KIAA0586: variants seen among roughly 807,000 people sequenced by gnomAD.
KIAA0586 encodes protein TALPID3.
Under a neutral mutation model 169.8 loss-of-function variants are expected in KIAA0586, and 144 were observed. That is an observed-to-expected ratio of 0.85 (90% CI 0.74 to 0.97). KIAA0586 has a LOEUF of 0.97. Ranked by LOEUF, KIAA0586 falls within the 50% of genes least tolerant of loss-of-function variation. KIAA0586 has a pLI of 0.00. For missense variants in KIAA0586, 1,854 were observed against 1,823.0 expected (o/e 1.02, Z -0.31); for synonymous variants, 625 against 612.4 (o/e 1.02, Z -0.30).
chr14:58,552,449 A>G (rs2047219189), downstream of KIAA0586, among the ~76,000 whole-genome samples: 1 of 152,122 alleles, frequency 6.6e-6, no homozygotes, highest in South Asian at 2.1e-4. Context: ...AAATATTGTA[A>G]AGCTATTTGA....
In KIAA0586 at chr14:58,537,186, T is replaced by C. The variant is rs543774111; in HGVS notation, c.4430-2885T>C. 3.3e-5 allele frequency: 35 copies of C among 1,052,800 alleles called. 1 individual carries two copies. In the Admixed American group the frequency reaches 1.7e-3, roughly 50 times the overall value. 65.2% of individuals were successfully genotyped at this position (1,052,800 alleles called of 1,614,324 possible). A position where few individuals can be genotyped will look rare whatever the true frequency, so the allele number is the denominator to read the frequency against. On this transcript the variant is annotated intron_variant, in intron 29 of 30. Transcript: ENST00000652326. ...TGAGAATTATGAAGCCACTTACTTG[T>C]TATAAGAATAAAAGTGGTCAACTCT...
intron 29 of KIAA0586, among the ~76,000 whole-genome samples, chr14:58,532,138 C>T (rs1280800369): frequency 6.7e-6 from 1 of 150,178 alleles, no homozygotes; most frequent in African/African-American, 2.5e-5. Flanking sequence ...ACCTATGTAA[C>T]AAACCTGCAC....
chr14:58,510,933 C>T lies in KIAA0586; in HGVS notation c.4324-1589C>T, dbSNP rs191965493. Among the ~76,000 whole-genome samples, 14 of 151,240 alleles carry T rather than the reference C, an allele frequency of 9.3e-5. No homozygotes were observed. The East Asian group carries it at 2.7e-3, about 29-fold the overall frequency. On this transcript the variant is annotated intron_variant, in intron 28 of 30. Coordinates refer to ENST00000652326, the MANE Select transcript of KIAA0586 (RefSeq NM_001329943.3). Reference sequence around the variant, plus strand: ...AATGCAAACTAATTTATAGTAATAGCATTTCAGTTATTTTGGGGTGATGGT... The same window carrying T: ...AATGCAAACTAATTTATAGTAATAGTATTTCAGTTATTTTGGGGTGATGGT...
rs577487452 is a variant in KIAA0586, at chr14:58,427,750, G to C, written c.-515G>C. ...GTCAGATTACACCCACGACGGTGCG[G>C]GTCTCGGGCGTTCTGGAGATACGTA... On this transcript the variant is annotated 5_prime_UTR_variant, in exon 1 of 31. Transcript: ENST00000652326. 2.0e-6 allele frequency: 3 copies of C among 1,532,776 alleles called. No individual in the cohort carries two copies. The highest frequency in any genetic ancestry group is 2.6e-6 in the Non-Finnish European group (3 of 1,146,042). The allele number at this position is 1,532,776 out of a possible 1,614,324, so 94.9% of individuals were successfully genotyped here.
chr14:58,484,877 AT>A (rs1212225629), intron 21 of KIAA0586, among the ~76,000 whole-genome samples: 1 of 47,298 alleles, frequency 2.1e-5, no homozygotes, highest in African/African-American at 8.5e-5. Flanking sequence ...TTTTATATAT[AT>A]TATATATATA....
chr14:58,558,379 G>A, the KIAA0586 span, among the ~76,000 whole-genome samples: 1 of 152,170 alleles, frequency 6.6e-6, no homozygotes, highest in African/African-American at 2.4e-5. Flanking sequence ...TTCAGGTAGA[G>A]TTGTAACTTT....
chr14:58,517,745 G>T (rs778697039), intron 29 of KIAA0586, among the ~76,000 whole-genome samples: 5 of 152,096 alleles, frequency 3.3e-5, no homozygotes, highest in Admixed American at 6.6e-5. Context: ...CAAGTAAATG[G>T]ATAAACAATC....
intron 4 of KIAA0586, among the ~76,000 whole-genome samples, chr14:58,433,569 T>C (rs2037560115): frequency 6.6e-6 from 1 of 152,230 alleles, no homozygotes; most frequent in South Asian, 2.1e-4. Context: ...TACATCGGGA[T>C]ACATAGATAT....
chr14:58,460,262 A>T (rs912130248), intron 13 of KIAA0586, among the ~76,000 whole-genome samples, 192 bp downstream of exon 13: 5 of 152,140 alleles, frequency 3.3e-5, no homozygotes, highest in Non-Finnish European at 7.4e-5. Flanking sequence ...CAAAATAGAT[A>T]GTTCCTTTCT....
intron 22 of KIAA0586, among the ~76,000 whole-genome samples, chr14:58,487,607 C>T (rs944354258): frequency 1.8e-5 from 2 of 111,488 alleles, no homozygotes; most frequent in Non-Finnish European, 3.8e-5. Flanking sequence ...CTCCGTCTCA[C>T]AAAAAAAAAA....
chr14:58,510,418 A>G (rs1313372371), intron 28 of KIAA0586, among the ~76,000 whole-genome samples: 1 of 152,184 alleles, frequency 6.6e-6, no homozygotes, highest in Non-Finnish European at 1.5e-5. Flanking sequence ...GAAAATGCAA[A>G]ATAAAACCAC....
intron 29 of KIAA0586, among the ~76,000 whole-genome samples, chr14:58,539,295 T>A (rs1211494292): frequency 6.6e-6 from 1 of 152,194 alleles, no homozygotes; most frequent in South Asian, 2.1e-4. Flanking sequence ...CTGATTTTTA[T>A]CTTAAAGAAA....
At chr14:58,484,641 A>G (rs1157443117) in intron 21 of KIAA0586, among the ~76,000 whole-genome samples, 2 of 151,330 alleles carry the variant, frequency 1.3e-5, no homozygotes, top group Non-Finnish European at 2.9e-5. Flanking sequence ...GTTATATTTG[A>G]AAATAACACT....
rs776790149 is a variant in KIAA0586 at position 58,467,767 on chromosome 14, C to A, written c.2287C>A (p.Pro763Thr). 6.2e-7 allele frequency: 1 copy of A among 1,612,596 alleles called. No individual in the cohort carries two copies. The highest frequency in any genetic ancestry group is 8.5e-7 in the Non-Finnish European group (1 of 1,179,324). ...QTQSNSDTMPPAGVIVSKPHP... is the reference protein window; with the variant it reads ...QTQSNSDTMPTAGVIVSKPHP... ...CCAAAGTAATAGTGATACCATGCCA[C>A]CTGCTGGAGTGATTGTCAGCAAGCC... The change falls in exon 16 of 31, where the codon CCT becomes ACT. Residue 763 changes from proline to threonine, a missense_variant. Physicochemically the swap from Pro to Thr is conservative, Grantham distance 38 (BLOSUM62 -1). Transcript: ENST00000652326.
In KIAA0586 at chr14:58,469,048, G is replaced by A. The variant is rs186687732; in HGVS notation, c.2442+1126G>A. On this transcript the variant is annotated intron_variant, in intron 16 of 30. Coordinates refer to ENST00000652326, the MANE Select transcript of KIAA0586 (RefSeq NM_001329943.3). Reference sequence around the variant, plus strand: ...GGCTCTTAGTACTGATTTTTGACTGGACACTCCTCCCTGAACAAACGAACT... The same window carrying A: ...GGCTCTTAGTACTGATTTTTGACTGAACACTCCTCCCTGAACAAACGAACT... Among the ~76,000 whole-genome samples, 717 of 152,220 alleles carry A rather than the reference G, an allele frequency of 4.7e-3. 1 individual carries two copies. Among genetic ancestry groups the A allele is most frequent in the Non-Finnish European group, 7.7e-3 (526 of 68,018 alleles).
At chr14:58,492,704 C>T (rs1393411741) in intron 26 of KIAA0586, among the ~76,000 whole-genome samples, 1 of 152,150 alleles carries the variant, frequency 6.6e-6, no homozygotes, top group Non-Finnish European at 1.5e-5. Flanking sequence ...TATGAACACA[C>T]AGGAGAAAAG....
intron 17 of KIAA0586, among the ~76,000 whole-genome samples, chr14:58,471,436 C>A (rs1163903746): frequency 6.6e-6 from 1 of 152,140 alleles, no homozygotes; most frequent in Non-Finnish European, 1.5e-5. Flanking sequence ...TTCTTCCTGG[C>A]ATTTATTTGC....
intron 29 of KIAA0586, among the ~76,000 whole-genome samples, chr14:58,519,355 C>T (rs1217770820): frequency 1.3e-5 from 2 of 152,130 alleles, no homozygotes; most frequent in East Asian, 3.9e-4. Flanking sequence ...TCTTCCTGCC[C>T]CAGCTTCCAT....
chr14:58,486,619 A>G (rs184894622), intron 21 of KIAA0586, among the ~76,000 whole-genome samples: 24 of 152,358 alleles, frequency 1.6e-4, no homozygotes, highest in African/African-American at 5.5e-4. Context: ...TGCCATAAAT[A>G]TATACACTTG....
Sources: allele counts gnomAD v4.1 joint callset (sites outside exome capture counted in the v4.1 genomes callset), GRCh38; gene constraint gnomAD v4.1.1; transcripts MANE v1.5; gene names NCBI Gene and HGNC (gene_info 2026-07-23, HGNC 2026-07-21).